RBM20: variants seen among roughly 807,000 people sequenced by gnomAD.
The protein encoded by RBM20 is RNA-binding protein 20.
RBM20 carries 51 observed loss-of-function variants against 110.1 expected under a neutral mutation model. That is an observed-to-expected ratio of 0.46 (90% CI 0.37 to 0.59). The LOEUF is 0.59. Among genes scored for constraint, RBM20 ranks in the 20% least tolerant of loss-of-function variants. RBM20 has a pLI of 0.00. For missense variants in RBM20, 1,512 were observed against 1,574.9 expected (o/e 0.96, Z 0.68); for synonymous variants, 589 against 618.2 (o/e 0.95, Z 0.70).
chr10:110,716,705 A>G (rs1043307481), intron 1 of RBM20, among the ~76,000 whole-genome samples: 1 of 152,066 alleles, frequency 6.6e-6, no homozygotes, highest in Non-Finnish European at 1.5e-5. Context: ...TGAGGTCAGG[A>G]GATCAAGATC....
At chr10:110,652,496 C>T (rs995428345) in intron 1 of RBM20, among the ~76,000 whole-genome samples, 10 of 152,064 alleles carry the variant, frequency 6.6e-5, no homozygotes, top group African/African-American at 1.7e-4. Flanking sequence ...TCTGTACCTG[C>T]GAGTATTTCA....
Position 110,812,512 on chromosome 10 carries a change from C to A in RBM20, c.2115C>A (p.Asp705Glu), listed in dbSNP as rs1411091811. The stretch of plus-strand genomic sequence containing the variant: ...GAGATGACAAGAGGGACAGGATGGA[C>A]CCCTGGGCACATGATCGCAAACACC... The part of the protein sequence containing the change: ...DNGDDKRDRM[D>E]PWAHDRKHHP... The change falls in exon 9 of 14, where the codon GAC (aspartate) becomes GAA (glutamate). Residue 705 changes from aspartate (D) to glutamate (E), a missense_variant. Transcript: ENST00000369519. 2 of 1,551,680 alleles carry A rather than the reference C, an allele frequency of 1.3e-6. No individual in the cohort carries two copies. The highest frequency in any genetic ancestry group is 1.4e-5 in the African/African-American group (1 of 73,144).
At chr10:110,758,935 A>G (rs1379120524) in intron 1 of RBM20, among the ~76,000 whole-genome samples, 1 of 152,200 alleles carries the variant, frequency 6.6e-6, no homozygotes, top group Non-Finnish European at 1.5e-5. Flanking sequence ...GCAAATCTGG[A>G]AAATTTAATG....
chr10:110,758,791 C>A (rs1319055276), intron 1 of RBM20, among the ~76,000 whole-genome samples: 1 of 151,952 alleles, frequency 6.6e-6, no homozygotes. Flanking sequence ...AAATAGCTAT[C>A]CTATTGAACA....
At chr10:110,747,011 T>C (rs577578230) in intron 1 of RBM20, among the ~76,000 whole-genome samples, 34 of 152,340 alleles carry the variant, frequency 2.2e-4, no homozygotes, top group African/African-American at 6.7e-4. Flanking sequence ...TGATAACATT[T>C]GATTAAGGCC....
intron 1 of RBM20, among the ~76,000 whole-genome samples, chr10:110,694,173 T>C (rs1277595350): frequency 1.3e-5 from 2 of 152,148 alleles, no homozygotes; most frequent in Non-Finnish European, 2.9e-5. Context: ...TAACCATAGG[T>C]ATCCCAACCA....
Position 110,821,794 on chromosome 10 carries a change from C to T in RBM20, c.3175C>T (p.Pro1059Ser). Residue 1059 changes from proline to serine, a missense_variant, in exon 11 of 14, where the codon CCA becomes TCA. Physicochemically the swap from Pro to Ser is moderately conservative, Grantham distance 74. Coordinates refer to ENST00000369519, the MANE Select transcript of RBM20 (RefSeq NM_001134363.3). ...GCCAGCAGAGGAGAGGGCCCGGCAG[C>T]CAAGCCCATTTGTGGATGATTGCAA... ...PKPAEERARQ[P>S]SPFVDDCKTR... The T allele has an allele frequency of 6.4e-7, 1 of 1,551,740 alleles. No homozygotes were observed. The highest frequency in any genetic ancestry group is 8.7e-7 in the Non-Finnish European group (1 of 1,146,998).
chr10:110,704,060 T>C (rs1862798641), intron 1 of RBM20, among the ~76,000 whole-genome samples: 1 of 152,150 alleles, frequency 6.6e-6, no homozygotes, highest in Non-Finnish European at 1.5e-5. Flanking sequence ...TGCAGTAAGC[T>C]GAGATCACAC....
chr10:110,754,371 T>A (rs1206303220), intron 1 of RBM20, among the ~76,000 whole-genome samples: 2 of 152,240 alleles, frequency 1.3e-5, no homozygotes, highest in Admixed American at 1.3e-4. Context: ...TTTTGACCAC[T>A]TAGTGTCTTT....
intron 1 of RBM20, among the ~76,000 whole-genome samples, chr10:110,689,710 C>G (rs1215884391): frequency 1.3e-5 from 2 of 152,176 alleles, no homozygotes; most frequent in African/African-American, 4.8e-5. Context: ...AGTGTAGAGT[C>G]CCTCCTGTTG....
chr10:110,733,420 C>G (rs1843639187), intron 1 of RBM20, among the ~76,000 whole-genome samples: 1 of 152,230 alleles, frequency 6.6e-6, no homozygotes, highest in Admixed American at 6.5e-5. Flanking sequence ...GACGATGTGG[C>G]TTCCAAATAC....
chr10:110,749,706 C>T (rs955618834), intron 1 of RBM20, among the ~76,000 whole-genome samples: 113 of 152,078 alleles, frequency 7.4e-4, no homozygotes, highest in African/African-American at 2.4e-3. Flanking sequence ...GCCTAAGAAT[C>T]ACTGTGAATT....
intron 12 of RBM20, among the ~76,000 whole-genome samples, chr10:110,830,120 G>A (rs7922732): frequency 0.51 from 77,923 of 152,082 alleles, 20,349 homozygotes; most frequent in East Asian, 0.65. Flanking sequence ...GACTCTCCCC[G>A]GGTCACATGG....
chr10:110,812,445 G>A lies in RBM20; in HGVS notation c.2048G>A (p.Arg683Lys). ...TCCTGGGAGCACTCTCCCTATGCCA[G>A]GAGGGAGGAAGAGCGAGACCCGGCT... Reference protein sequence around the residue: ...RDSWEHSPYARREEERDPAPW... With the variant: ...RDSWEHSPYAKREEERDPAPW... The change falls in exon 9 of 14, where the codon AGG becomes AAG. Residue 683 changes from arginine to lysine, a missense_variant. By Grantham distance (26) the Arg-to-Lys change is conservative. Transcript: ENST00000369519. 6.4e-7 allele frequency: 1 copy of A among 1,551,742 alleles called. No homozygotes were observed. The highest frequency in any genetic ancestry group is 1.2e-5 in the South Asian group (1 of 84,066).
At chr10:110,707,834 A>C (rs115093299) in intron 1 of RBM20, among the ~76,000 whole-genome samples, 87 of 152,360 alleles carry the variant, frequency 5.7e-4, no homozygotes, top group African/African-American at 2.1e-3. Context: ...AGTATTGGAT[A>C]GTGCCGCGGG....
At chr10:110,819,999 A>G in intron 9 of RBM20, 73 bp from the exon 10 acceptor site, 1 of 936,648 alleles carries the variant, frequency 1.1e-6, no homozygotes, top group Non-Finnish European at 1.6e-6. Context: ...CCTGCATTCA[A>G]TATCATTCTT....
chr10:110,781,024 C>T lies in RBM20; in HGVS notation c.415C>T (p.His139Tyr), dbSNP rs1844332668. 2 of 1,551,814 alleles carry T rather than the reference C, an allele frequency of 1.3e-6. No homozygotes were observed. Among genetic ancestry groups the T allele is most frequent in the Non-Finnish European group, 1.7e-6 (2 of 1,147,064 alleles). ...MSQPLFNQLR[H>Y]PSVITGPHGH... ...CCAGCCTCTCTTCAATCAACTGAGG[C>T]ATCCGTCTGTGATCACTGGCCCCCA... Residue 139 changes from histidine (H) to tyrosine (Y), a missense_variant, in exon 2 of 14, where the codon CAT becomes TAT. This residue lies in a region of RBM20 where 1,149 missense variants were observed against 1,169.4 expected (regional missense o/e 0.98). Coordinates refer to ENST00000369519, the MANE Select transcript of RBM20 (RefSeq NM_001134363.3).
chr10:110,680,381 C>T (rs1035639599), intron 1 of RBM20, among the ~76,000 whole-genome samples: 2 of 152,134 alleles, frequency 1.3e-5, no homozygotes, highest in Non-Finnish European at 2.9e-5. Flanking sequence ...TCTTTCTTCT[C>T]CTGATGGCAC....
intron 1 of RBM20, among the ~76,000 whole-genome samples, chr10:110,731,835 G>A (rs551993103): frequency 5.9e-5 from 9 of 152,130 alleles, no homozygotes; most frequent in Non-Finnish European, 1.3e-4. Context: ...AGCTTAATTT[G>A]CAAAATGTCC....
Sources: allele counts gnomAD v4.1 joint callset (sites outside exome capture counted in the v4.1 genomes callset), GRCh38; gene constraint gnomAD v4.1.1; regional missense constraint gnomAD v4.1.1; transcripts MANE v1.5; gene names NCBI Gene and HGNC (gene_info 2026-07-23, HGNC 2026-07-21).